The following ARHGAP6 variants were observed in gnomAD, a reference collection of about 807,000 sequenced individuals.
The protein encoded by ARHGAP6 is Rho GTPase activating protein 6, also known as rho GTPase-activating protein 6.
ARHGAP6 carries 16 observed loss-of-function variants against 55.7 expected under a neutral mutation model. The ratio of observed to expected loss-of-function variants is 0.29; its 90% CI spans 0.19 to 0.44. The LOEUF (loss-of-function observed/expected upper bound fraction) is 0.44. Among genes scored for constraint, ARHGAP6 ranks in the 20% least tolerant of loss-of-function variants. The pLI is 1.00. For synonymous variants in ARHGAP6, 382 were observed against 360.9 expected, an observed-to-expected ratio of 1.06 and a Z score of -0.66; for missense variants, 698 against 808.9, an observed-to-expected ratio of 0.86 and a Z score of 1.66.
chrX:11,350,711 C>A (rs967459050), intron 1 of ARHGAP6, among the ~76,000 whole-genome samples: 1 of 112,159 alleles, frequency 8.9e-6, no homozygotes, highest in Non-Finnish European at 1.9e-5. Context: ...ACTTAATAAA[C>A]AAGTTATTTT....
intron 1 of ARHGAP6, among the ~76,000 whole-genome samples, chrX:11,582,940 A>T (rs901544085): frequency 1.7e-4 from 19 of 111,994 alleles, no homozygotes; most frequent in African/African-American, 6.1e-4. Flanking sequence ...TAAAAAAAGG[A>T]AAAAATTACA....
chrX:11,492,243 T>C (rs1038197161), intron 1 of ARHGAP6, among the ~76,000 whole-genome samples: 1 of 110,645 alleles, frequency 9.0e-6, no homozygotes, highest in African/African-American at 3.3e-5. Context: ...TTTTGGCTTT[T>C]GTTGCCATTG....
At chrX:11,418,095 T>C (rs994861840) in intron 1 of ARHGAP6, among the ~76,000 whole-genome samples, 3 of 112,097 alleles carry the variant, frequency 2.7e-5, no homozygotes, top group South Asian at 3.7e-4. Flanking sequence ...TGGCCAAGCA[T>C]TGAGTCACAC....
intron 1 of ARHGAP6, among the ~76,000 whole-genome samples, chrX:11,493,360 AAAAGCT>A (rs1353014250): frequency 1.8e-5 from 2 of 111,915 alleles, no homozygotes; most frequent in Non-Finnish European, 3.8e-5. Context: ...AGCCCATCCC[AAAAGCT>A]CAGACTGCAT....
chrX:11,493,110 A>T (rs895872256), intron 1 of ARHGAP6, among the ~76,000 whole-genome samples: 2 of 112,249 alleles, frequency 1.8e-5, no homozygotes, highest in African/African-American at 6.5e-5. Context: ...CATTTTTTTT[A>T]AGCCACTGAA....
chrX:11,620,001 C>A (rs2147163092), intron 1 of ARHGAP6, among the ~76,000 whole-genome samples: 1 of 112,195 alleles, frequency 8.9e-6, no homozygotes, highest in Admixed American at 9.4e-5. Flanking sequence ...CTTTGTAGGA[C>A]AATCTCCTAA....
rs777051759 is a variant in ARHGAP6 at position 11,608,142 on chromosome X, T to C, written c.588+56099A>G. 8.1e-5 allele frequency among the ~76,000 whole-genome samples: 9 copies of C among 111,719 alleles called. No individual in the cohort carries two copies. In the South Asian group the frequency reaches 2.6e-3, roughly 33 times the overall value. Reference sequence around the variant, plus strand: ...AAGTGATAATTCACAGCTACAACTCTAGAGTAAGTAACCCTAAGGTAACCC... The same window carrying C: ...AAGTGATAATTCACAGCTACAACTCCAGAGTAAGTAACCCTAAGGTAACCC... On this transcript the variant is annotated intron_variant, in intron 1 of 12. Coordinates refer to ENST00000337414, the MANE Select transcript of ARHGAP6 (RefSeq NM_013427.3).
chrX:11,385,027 C>G (rs1328990252), intron 1 of ARHGAP6, among the ~76,000 whole-genome samples: 2 of 111,773 alleles, frequency 1.8e-5, no homozygotes, highest in African/African-American at 6.5e-5. Flanking sequence ...GTATAAATGA[C>G]CATGATTCAC....
intron 1 of ARHGAP6, among the ~76,000 whole-genome samples, chrX:11,348,737 C>A: frequency 9.0e-6 from 1 of 111,660 alleles, no homozygotes; most frequent in Non-Finnish European, 1.9e-5. Flanking sequence ...GAAGCCTCGA[C>A]CTCCTAGGCT....
intron 1 of ARHGAP6, among the ~76,000 whole-genome samples, chrX:11,373,394 A>G (rs2049167900): frequency 9.0e-6 from 1 of 110,965 alleles, no homozygotes; most frequent in Admixed American, 9.6e-5. Context: ...GTTTAAAAAA[A>G]AAAGAGAGAG....
At chrX:11,265,823 A>T in intron 1 of ARHGAP6, 1 of 941,246 alleles carries the variant, frequency 1.1e-6, no homozygotes, top group Non-Finnish European at 1.3e-6. Context: ...ATCATATTGA[A>T]TGTCTGAGAA....
chrX:11,436,464 G>A (rs949304612), intron 1 of ARHGAP6, among the ~76,000 whole-genome samples: 2 of 112,544 alleles, frequency 1.8e-5, no homozygotes, highest in Non-Finnish European at 3.8e-5. Context: ...AAGTGTGGAA[G>A]TTAAGGAGAC....
intron 1 of ARHGAP6, among the ~76,000 whole-genome samples, chrX:11,439,909 A>C (rs2050023814): frequency 8.9e-6 from 1 of 112,795 alleles, no homozygotes. Context: ...TACTATTCTC[A>C]AACCATTTGA....
chrX:11,629,033 G>C (rs1261063284), intron 1 of ARHGAP6, among the ~76,000 whole-genome samples: 2 of 110,749 alleles, frequency 1.8e-5, no homozygotes, highest in African/African-American at 3.3e-5. Context: ...ACACGAGCTA[G>C]AGCTCGAGTC....
chrX:11,379,800 T>G (rs2049242248), intron 1 of ARHGAP6, among the ~76,000 whole-genome samples: 1 of 110,709 alleles, frequency 9.0e-6, no homozygotes, highest in Admixed American at 9.7e-5. Flanking sequence ...AGGTACTTAA[T>G]GAACTTGATT....
intron 2 of ARHGAP6, among the ~76,000 whole-genome samples, chrX:11,244,246 A>G (rs1177949504): frequency 8.9e-6 from 1 of 112,237 alleles, no homozygotes; most frequent in African/African-American, 3.2e-5. Flanking sequence ...GAGAATAAAT[A>G]CTTTTGATCT....
intron 1 of ARHGAP6, among the ~76,000 whole-genome samples, chrX:11,304,893 TC>T (rs1207237827): frequency 9.7e-6 from 1 of 102,652 alleles, no homozygotes; most frequent in Non-Finnish European, 2.0e-5. Context: ...TTCAAGCGAT[TC>T]CCCTGCCTCA....
intron 1 of ARHGAP6, among the ~76,000 whole-genome samples, chrX:11,367,385 C>G (rs2049095822): frequency 9.0e-6 from 1 of 110,882 alleles, no homozygotes; most frequent in Admixed American, 9.6e-5. Context: ...CTGGAGTGAC[C>G]CTGATGAAGC....
intron 1 of ARHGAP6, among the ~76,000 whole-genome samples, chrX:11,306,681 A>T (rs2048241655): frequency 8.9e-6 from 1 of 112,321 alleles, no homozygotes; most frequent in African/African-American, 3.2e-5. Context: ...AGATAAACTA[A>T]TTCGTCATCC....
Sources: allele counts gnomAD v4.1 joint callset (sites outside exome capture counted in the v4.1 genomes callset), GRCh38; gene constraint gnomAD v4.1.1; transcripts MANE v1.5; gene names NCBI Gene and HGNC (gene_info 2026-07-23, HGNC 2026-07-21).